ANO3: variants seen among roughly 807,000 people sequenced by gnomAD.
ANO3 encodes anoctamin 3.
ANO3 carries 99 observed loss-of-function variants against 144.8 expected under a neutral mutation model. The ratio of observed to expected loss-of-function variants is 0.68; its 90% CI spans 0.58 to 0.81. ANO3 has a LOEUF of 0.81. ANO3 is among the 30% of genes least tolerant of loss of function. ANO3 has a pLI of 0.00. For synonymous variants in ANO3, 414 were observed against 392.6 expected, an observed-to-expected ratio of 1.05 and a Z score of -0.64; for missense variants, 905 against 1,202.2, an observed-to-expected ratio of 0.75 and a Z score of 3.66.
chr11:26,625,331 C>A (rs1027618491), intron 18 of ANO3, among the ~76,000 whole-genome samples: 1 of 152,132 alleles, frequency 6.6e-6, no homozygotes, highest in Non-Finnish European at 1.5e-5. Context: ...TATTGCCTTC[C>A]CATTATACAA....
intron 24 of ANO3, among the ~76,000 whole-genome samples, chr11:26,652,918 T>C (rs2133087635): frequency 6.6e-6 from 1 of 152,340 alleles, no homozygotes; most frequent in Middle Eastern, 3.4e-3. Flanking sequence ...GAGCATTCCC[T>C]TCTTAATGTA....
chr11:26,305,704 A>G (rs1169527610), upstream of ANO3, among the ~76,000 whole-genome samples: 1 of 152,182 alleles, frequency 6.6e-6, no homozygotes, highest in Non-Finnish European at 1.5e-5. Flanking sequence ...TTTTCATACA[A>G]GAGTTGAATC....
At chr11:26,524,909 C>G (rs1351733454) in intron 6 of ANO3, among the ~76,000 whole-genome samples, 1 of 152,140 alleles carries the variant, frequency 6.6e-6, no homozygotes, top group East Asian at 1.9e-4. Context: ...ATGACGACCT[C>G]ATATGCTGCT....
At chr11:26,235,466 T>C (rs1377697022) in intron 1 of ANO3, among the ~76,000 whole-genome samples, 2 of 152,280 alleles carry the variant, frequency 1.3e-5, no homozygotes, top group South Asian at 2.1e-4. Flanking sequence ...CTTTCTGACA[T>C]TGAGAAATTT....
At chr11:26,413,689 G>A (rs1348160605) in intron 1 of ANO3, among the ~76,000 whole-genome samples, 3 of 151,838 alleles carry the variant, frequency 2.0e-5, no homozygotes, top group African/African-American at 7.3e-5. Flanking sequence ...TAATCCTTGC[G>A]TTTTCTTATT....
intron 1 of ANO3, among the ~76,000 whole-genome samples, chr11:26,390,141 G>A (rs1590320012): frequency 6.6e-6 from 1 of 152,088 alleles, no homozygotes; most frequent in Non-Finnish European, 1.5e-5. Flanking sequence ...TGATTTTGTG[G>A]CTAGAAGAAA....
chr11:26,431,410 CTTTAACT>C, intron 1 of ANO3, among the ~76,000 whole-genome samples: 1 of 152,144 alleles, frequency 6.6e-6, no homozygotes, highest in East Asian at 1.9e-4. Context: ...GGTAGCTTTT[CTTTAACT>C]TTTATTTTAG....
intron 1 of ANO3, among the ~76,000 whole-genome samples, chr11:26,343,791 C>T (rs886703801): frequency 2.0e-5 from 3 of 152,124 alleles, no homozygotes; most frequent in Non-Finnish European, 4.4e-5. Context: ...TTCACTTCTT[C>T]TCCTATATAA....
intron 4 of ANO3, among the ~76,000 whole-genome samples, chr11:26,465,125 TGTG>T (rs1181578971): frequency 7.2e-5 from 1 of 13,806 alleles, no homozygotes; most frequent in Non-Finnish European, 1.7e-4. Flanking sequence ...ATCATTAAAT[TGTG>T]TGTGTGTGTG....
At chr11:26,400,445 T>C (rs551866697) in intron 1 of ANO3, among the ~76,000 whole-genome samples, 5 of 152,150 alleles carry the variant, frequency 3.3e-5, no homozygotes, top group East Asian at 1.9e-4. Flanking sequence ...AAAACAACAC[T>C]GAAAACCATT....
At chr11:26,332,437 G>A in intron 1 of ANO3, 116 bp downstream of exon 1, 1 of 831,676 alleles carries the variant, frequency 1.2e-6, no homozygotes, top group Non-Finnish European at 1.8e-6. Context: ...GGGGAACTCT[G>A]TGAAGTTAAA....
intron 4 of ANO3, among the ~76,000 whole-genome samples, chr11:26,488,658 C>T (rs1860568772): frequency 3.3e-5 from 5 of 152,172 alleles, no homozygotes; most frequent in Admixed American, 3.3e-4. Context: ...GTGTTTGTTC[C>T]TCCCAGTGGG....
chr11:26,274,737 C>T (rs1269567499), intron 1 of ANO3, among the ~76,000 whole-genome samples: 1 of 152,090 alleles, frequency 6.6e-6, no homozygotes, highest in Non-Finnish European at 1.5e-5. Context: ...CATCCTTTTG[C>T]ACTTTGGAAC....
intron 1 of ANO3, among the ~76,000 whole-genome samples, chr11:26,286,773 T>C (rs1853817516): frequency 6.6e-6 from 1 of 152,200 alleles, no homozygotes; most frequent in South Asian, 2.1e-4. Flanking sequence ...GGGTTCTTTC[T>C]GTTCATTTGC....
At chr11:26,554,231 T>C (rs1192413470) in intron 13 of ANO3, among the ~76,000 whole-genome samples, 3 of 152,188 alleles carry the variant, frequency 2.0e-5, no homozygotes, top group Non-Finnish European at 4.4e-5. Context: ...GCATATGTAT[T>C]GAGATTCATT....
At chr11:26,400,210 G>A (rs1406470892) in intron 1 of ANO3, among the ~76,000 whole-genome samples, 1 of 152,054 alleles carries the variant, frequency 6.6e-6, no homozygotes, top group South Asian at 2.1e-4. Flanking sequence ...GTCATCAGGA[G>A]AAAGGTTTCT....
At chr11:26,291,699 T>A (rs1239149134) in intron 1 of ANO3, among the ~76,000 whole-genome samples, 3 of 152,216 alleles carry the variant, frequency 2.0e-5, no homozygotes, top group Admixed American at 6.5e-5. Flanking sequence ...AAATTCTGGG[T>A]TGAAATTTCT....
intron 6 of ANO3, among the ~76,000 whole-genome samples, chr11:26,518,202 G>A (rs1057431722): frequency 3.3e-5 from 5 of 151,934 alleles, no homozygotes; most frequent in African/African-American, 1.2e-4. Flanking sequence ...CTTGAGTTCT[G>A]GAATTTTTCT....
intron 11 of ANO3, among the ~76,000 whole-genome samples, chr11:26,542,804 G>C (rs1849678237): frequency 6.6e-6 from 1 of 151,592 alleles, no homozygotes; most frequent in Non-Finnish European, 1.5e-5. Flanking sequence ...CATGAAATCT[G>C]TATTAACAAG....
Sources: gnomAD v4.1 joint callset for allele counts (sites outside exome capture counted in the v4.1 genomes callset) on GRCh38, gnomAD v4.1.1 for gene constraint, MANE v1.5 for transcripts, NCBI Gene and HGNC (gene_info 2026-07-23, HGNC 2026-07-21) for gene names.